The following ZNF407 variants were observed in gnomAD, a reference collection of about 807,000 sequenced individuals.
ZNF407 encodes zinc finger protein 407.
A neutral mutation model predicts 131.2 loss-of-function variants in ZNF407; 17 were observed. That is an observed-to-expected ratio of 0.13 (90% CI 0.09 to 0.19). The LOEUF (loss-of-function observed/expected upper bound fraction) is 0.19. ZNF407 is among the 10% of genes least tolerant of loss of function. The pLI is 1.00. For missense variants in ZNF407, 2,681 were observed against 2,830.6 expected (o/e 0.95, Z 1.20); for synonymous variants, 1,156 against 1,062.0 (o/e 1.09, Z -1.72).
intron 8 of ZNF407, among the ~76,000 whole-genome samples, chr18:75,008,348 C>G (rs1376297469): frequency 6.6e-6 from 1 of 152,010 alleles, no homozygotes; most frequent in Non-Finnish European, 1.5e-5. Flanking sequence ...TGTGAAGCTG[C>G]AAAGAAGGAA....
chr18:74,790,245 A>C (rs1056524716), intron 4 of ZNF407, among the ~76,000 whole-genome samples: 1 of 152,176 alleles, frequency 6.6e-6, no homozygotes. Context: ...TACTCTTATA[A>C]TCTTTACTAA....
intron 7 of ZNF407, among the ~76,000 whole-genome samples, chr18:74,914,098 G>A (rs1971712832): frequency 6.6e-6 from 1 of 152,134 alleles, no homozygotes; most frequent in African/African-American, 2.4e-5. Context: ...TTCCATGAAA[G>A]CGATGCGTGC....
chr18:74,895,346 T>TA (rs1971440265), intron 7 of ZNF407, among the ~76,000 whole-genome samples: 1 of 151,922 alleles, frequency 6.6e-6, no homozygotes. Flanking sequence ...ATTTCACATC[T>TA]AAACATTTTG....
At chr18:74,859,886 CT>C (rs1027849194) in intron 4 of ZNF407, among the ~76,000 whole-genome samples, 1 of 152,106 alleles carries the variant, frequency 6.6e-6, no homozygotes, top group South Asian at 2.1e-4. Flanking sequence ...GATACTTGAA[CT>C]TTTTTCCTTC....
chr18:74,599,982 G>A (rs1002854033), intron 1 of ZNF407, among the ~76,000 whole-genome samples: 21 of 152,210 alleles, frequency 1.4e-4, no homozygotes, highest in African/African-American at 5.1e-4. Context: ...ATGACTAGTG[G>A]AATTAAGTAA....
At chr18:74,617,185 C>CAT (rs1983351846) in intron 1 of ZNF407, among the ~76,000 whole-genome samples, 1 of 149,654 alleles carries the variant, frequency 6.7e-6, no homozygotes. Context: ...TATCCACACA[C>CAT]ATCGACACAC....
chr18:74,974,352 C>A (rs1386358158), intron 8 of ZNF407, among the ~76,000 whole-genome samples: 1 of 152,082 alleles, frequency 6.6e-6, no homozygotes, highest in Non-Finnish European at 1.5e-5. Flanking sequence ...AATCTTAATA[C>A]CCATATAAAC....
intron 3 of ZNF407, among the ~76,000 whole-genome samples, chr18:74,759,534 C>T (rs1969044105): frequency 6.6e-6 from 1 of 151,650 alleles, no homozygotes; most frequent in African/African-American, 2.4e-5. Context: ...CTTTCTTCTT[C>T]TCCTTGTTAT....
At chr18:74,947,057 C>T (rs1972161222) in intron 8 of ZNF407, among the ~76,000 whole-genome samples, 1 of 152,170 alleles carries the variant, frequency 6.6e-6, no homozygotes, top group Non-Finnish European at 1.5e-5. Flanking sequence ...GTAGAAGAAA[C>T]AGGTCATTGT....
At chr18:74,869,633 GTT>G (rs1568248403) in intron 4 of ZNF407, among the ~76,000 whole-genome samples, 1 of 152,096 alleles carries the variant, frequency 6.6e-6, no homozygotes, top group Non-Finnish European at 1.5e-5. Context: ...TATAGATGGG[GTT>G]TTTTTAGGGG....
At chr18:74,820,612 A>G (rs1254398691) in intron 4 of ZNF407, among the ~76,000 whole-genome samples, 1 of 152,154 alleles carries the variant, frequency 6.6e-6, no homozygotes, top group Non-Finnish European at 1.5e-5. Context: ...ATGCTCTTTT[A>G]TTTCATTCTT....
intron 7 of ZNF407, among the ~76,000 whole-genome samples, chr18:74,909,142 A>C (rs1380434342): frequency 2.0e-5 from 3 of 151,570 alleles, no homozygotes; most frequent in Non-Finnish European, 4.4e-5. Flanking sequence ...AAGAAATTGC[A>C]TACCTGCCTA....
intron 7 of ZNF407, among the ~76,000 whole-genome samples, chr18:74,892,345 C>T (rs1971396951): frequency 6.6e-6 from 1 of 152,174 alleles, no homozygotes; most frequent in Non-Finnish European, 1.5e-5. Flanking sequence ...TGAAATGCCA[C>T]TTTCTGTTTT....
At chr18:74,613,868 G>A (rs1209962134) in intron 1 of ZNF407, among the ~76,000 whole-genome samples, 1 of 152,140 alleles carries the variant, frequency 6.6e-6, no homozygotes, top group Non-Finnish European at 1.5e-5. Flanking sequence ...ATAGGGAAAA[G>A]AATTGTTTAA....
At chr18:75,050,288 T>G (rs1973484525) in intron 8 of ZNF407, among the ~76,000 whole-genome samples, 1 of 152,170 alleles carries the variant, frequency 6.6e-6, no homozygotes, top group Admixed American at 6.5e-5. Context: ...CATTTACTCT[T>G]TAAGAAAATA....
At chr18:74,838,558 A>G (rs1417709551) in intron 4 of ZNF407, among the ~76,000 whole-genome samples, 1 of 152,078 alleles carries the variant, frequency 6.6e-6, no homozygotes, top group African/African-American at 2.4e-5. Context: ...GAAGATTTAC[A>G]GCAGAATTAT....
At chr18:74,729,845 G>A (rs1365685692) in intron 3 of ZNF407, among the ~76,000 whole-genome samples, 2 of 151,998 alleles carry the variant, frequency 1.3e-5, no homozygotes, top group Non-Finnish European at 2.9e-5. Flanking sequence ...GGAAAAAAAA[G>A]ACTATTATCT....
chr18:74,679,363 C>T (rs1270381673), intron 3 of ZNF407, among the ~76,000 whole-genome samples: 1 of 152,164 alleles, frequency 6.6e-6, no homozygotes, highest in African/African-American at 2.4e-5. Flanking sequence ...CCAACATGAT[C>T]CCGTTCTCTT....
At chr18:74,611,750 T>A (rs1983067540) in intron 1 of ZNF407, among the ~76,000 whole-genome samples, 1 of 152,184 alleles carries the variant, frequency 6.6e-6, no homozygotes, top group African/African-American at 2.4e-5. Flanking sequence ...GTTTCTGAAT[T>A]GTTTCGCAGC....
Sources: gnomAD v4.1 joint callset for allele counts (sites outside exome capture counted in the v4.1 genomes callset) on GRCh38, gnomAD v4.1.1 for gene constraint, MANE v1.5 for transcripts, NCBI Gene and HGNC (gene_info 2026-07-23, HGNC 2026-07-21) for gene names.